The following MYZAP variants were observed in gnomAD, a reference collection of about 807,000 sequenced individuals.
MYZAP encodes GRINL1A complex locus upstream.
A neutral mutation model predicts 69.4 loss-of-function variants in MYZAP; 66 were observed. The observed-to-expected ratio is 0.95, with a 90% confidence interval of 0.78 to 1.17. The LOEUF is 1.17. Among genes scored for constraint, MYZAP ranks in the 50% most tolerant of loss-of-function variants. MYZAP has a pLI of 0.00. For synonymous variants in MYZAP, 256 were observed against 205.9 expected (o/e 1.24, Z -2.09); for missense variants, 611 against 556.2 (o/e 1.10, Z -0.99).
intron 8 of MYZAP, among the ~76,000 whole-genome samples, chr15:57,634,411 T>C (rs551106548): frequency 6.6e-6 from 1 of 152,294 alleles, no homozygotes; most frequent in Admixed American, 6.5e-5. Flanking sequence ...AGTCTGTGGC[T>C]GGTTTCTGGG....
At chr15:57,640,671 G>A (rs1351203452) in intron 10 of MYZAP, among the ~76,000 whole-genome samples, 1 of 152,218 alleles carries the variant, frequency 6.6e-6, no homozygotes, top group African/African-American at 2.4e-5. Context: ...AGAATTGTGA[G>A]TATGGGAAGG....
At chr15:57,606,319 A>T (rs181842566) in intron 2 of MYZAP, among the ~76,000 whole-genome samples, 111 of 152,322 alleles carry the variant, frequency 7.3e-4, no homozygotes, top group African/African-American at 2.6e-3. Flanking sequence ...TATTCATGCC[A>T]AACTTGTTTA....
chr15:57,616,822 C>CTTGTTTTTTTTTTTTT (rs2035485971), intron 2 of MYZAP, among the ~76,000 whole-genome samples: 2 of 50,056 alleles, frequency 4.0e-5, no homozygotes, highest in Non-Finnish European at 6.9e-5. Flanking sequence ...AAAAAAAGTG[C>CTTGTTTTTTTTTTTTT]TTTTTTTTTT....
chr15:57,629,619 T>C, intron 5 of MYZAP, 83 bp from the exon 6 acceptor site: 1 of 1,526,784 alleles, frequency 6.5e-7, no homozygotes, highest in East Asian at 2.3e-5. Flanking sequence ...TGCTTAATGA[T>C]AAGGGGATGC....
intron 12 of MYZAP, among the ~76,000 whole-genome samples, chr15:57,681,448 A>G (rs1190612347): frequency 2.6e-5 from 4 of 152,230 alleles, no homozygotes; most frequent in Non-Finnish European, 5.9e-5. Flanking sequence ...AAGAAATTAT[A>G]CCTAGCAGTG....
intron 2 of MYZAP, among the ~76,000 whole-genome samples, chr15:57,608,502 G>A (rs537732151): frequency 6.6e-6 from 1 of 152,284 alleles, no homozygotes; most frequent in Admixed American, 6.5e-5. Context: ...TGCCCTGGCT[G>A]CCTGTTCCTT....
chr15:57,636,983 A>G (rs1054286143), intron 8 of MYZAP, among the ~76,000 whole-genome samples: 7 of 152,180 alleles, frequency 4.6e-5, no homozygotes, highest in Non-Finnish European at 2.9e-5. Flanking sequence ...TGCCTTCTCT[A>G]ACTTCTGGAG....
At chr15:57,649,355 C>T (rs1340344403) in intron 10 of MYZAP, among the ~76,000 whole-genome samples, 2 of 152,172 alleles carry the variant, frequency 1.3e-5, no homozygotes, top group African/African-American at 4.8e-5. Context: ...TGCTCATCAC[C>T]ACTTGGCACT....
Position 57,646,185 on chromosome 15 carries a change from AGAT to A in MYZAP, c.1119+6644_1119+6646del, listed in dbSNP as rs753890537. On this transcript the variant is annotated intron_variant, in intron 10 of 12. Coordinates refer to ENST00000267853, the MANE Select transcript of MYZAP (RefSeq NM_001018100.5). Reference sequence around the variant, plus strand: ...CAGATTTAGTCTCCGGCTCTTTGGAAGATGATAAGTTGGTAGCCTGCTCTGGGT... The same window carrying A: ...CAGATTTAGTCTCCGGCTCTTTGGAAGATAAGTTGGTAGCCTGCTCTGGGT... 73 of 1,289,384 alleles carry A rather than the reference AGAT, an allele frequency of 5.7e-5. 1 individual carries two copies. The Middle Eastern group carries it at 8.5e-4, about 15-fold the overall frequency. 79.9% of individuals were successfully genotyped at this position (1,289,384 alleles called of 1,614,324 possible). A position where few individuals can be genotyped will look rare whatever the true frequency, so the allele number is the denominator to read the frequency against.
At chr15:57,637,909 G>T in intron 9 of MYZAP, 135 bp downstream of exon 9, 1 of 920,692 alleles carries the variant, frequency 1.1e-6, no homozygotes. Flanking sequence ...ATAACATTGG[G>T]CTGAGAGTTT....
At chr15:57,655,279 G>A (rs563587962) in intron 10 of MYZAP, among the ~76,000 whole-genome samples, 204 of 152,270 alleles carry the variant, frequency 1.3e-3, no homozygotes, top group South Asian at 3.1e-3. Flanking sequence ...TCCTGGAGGC[G>A]GGACCATAGT....
At chr15:57,638,210 T>G (rs1179013918) in intron 9 of MYZAP, among the ~76,000 whole-genome samples, 1 of 152,146 alleles carries the variant, frequency 6.6e-6, no homozygotes, top group Admixed American at 6.5e-5. Flanking sequence ...AAGCCCTACA[T>G]GAAAAACACG....
At chr15:57,624,967 T>C (rs2036039745) in intron 4 of MYZAP, among the ~76,000 whole-genome samples, 1 of 151,860 alleles carries the variant, frequency 6.6e-6, no homozygotes, top group South Asian at 2.1e-4. Flanking sequence ...CTTACCAATA[T>C]CTAGGTCAAG....
intron 11 of MYZAP, among the ~76,000 whole-genome samples, chr15:57,672,987 A>T (rs2038939990): frequency 6.6e-6 from 1 of 152,212 alleles, no homozygotes; most frequent in African/African-American, 2.4e-5. Context: ...AAGGGTTGCA[A>T]ATCATGCCAT....
At chr15:57,592,374 G>C (rs2033732047) in intron 1 of MYZAP, among the ~76,000 whole-genome samples, 1 of 152,216 alleles carries the variant, frequency 6.6e-6, no homozygotes, top group Admixed American at 6.5e-5. Flanking sequence ...CTGTCAAGCC[G>C]AGTTTATTGG....
At chr15:57,621,207 T>TTC (rs547537399) in intron 3 of MYZAP, among the ~76,000 whole-genome samples, 2 of 125,650 alleles carry the variant, frequency 1.6e-5, no homozygotes, top group South Asian at 2.7e-4. Context: ...TTCTTTTTCT[T>TTC]TTTTTTTTTT....
Position 57,629,789 on chromosome 15 carries a change from A to G in MYZAP, c.613A>G (p.Lys205Glu). The G allele has an allele frequency of 6.2e-7, 1 of 1,614,058 alleles. No homozygotes were observed. Among genetic ancestry groups the G allele is most frequent in the Non-Finnish European group, 8.5e-7 (1 of 1,179,998 alleles). The change falls in exon 6 of 13, where the codon AAG (lysine) becomes GAG (glutamate). Residue 205 changes from lysine to glutamate, a missense_variant. Coordinates refer to ENST00000267853, the MANE Select transcript of MYZAP (RefSeq NM_001018100.5). Reference protein sequence around the residue: ...LQQTYEASMDKLREKQRQLEV... With the variant: ...LQQTYEASMDELREKQRQLEV... Reference sequence around the variant, plus strand: ...GCAGACGTATGAAGCATCCATGGACAAGCTGAGGGAAAAGCAGAGGCAGTT... The same window carrying G: ...GCAGACGTATGAAGCATCCATGGACGAGCTGAGGGAAAAGCAGAGGCAGTT...
intron 2 of MYZAP, among the ~76,000 whole-genome samples, chr15:57,609,689 C>T (rs1034741996): frequency 3.3e-5 from 5 of 152,044 alleles, no homozygotes; most frequent in Admixed American, 6.6e-5. Context: ...TAGCTGTGGG[C>T]TTTTATTTGA....
chr15:57,604,502 T>C (rs2034617859), intron 2 of MYZAP, 147 bp downstream of exon 2: 1 of 775,774 alleles, frequency 1.3e-6, no homozygotes, highest in Non-Finnish European at 2.0e-6. Context: ...CCACCTCATC[T>C]CCCGTCTTCC....
Sources: allele counts gnomAD v4.1 joint callset (sites outside exome capture counted in the v4.1 genomes callset), GRCh38; gene constraint gnomAD v4.1.1; transcripts MANE v1.5; gene names NCBI Gene and HGNC (gene_info 2026-07-23, HGNC 2026-07-21).